CDH8: variants seen among roughly 807,000 people sequenced by gnomAD.
CDH8 encodes cadherin-8.
A neutral mutation model predicts 68.1 loss-of-function variants in CDH8; 17 were observed. The observed-to-expected ratio is 0.25, with a 90% confidence interval of 0.17 to 0.37. The LOEUF (loss-of-function observed/expected upper bound fraction) is 0.37. CDH8 is among the 10% of genes least tolerant of loss of function. The pLI is 1.00. For missense variants in CDH8, 763 were observed against 999.3 expected, an observed-to-expected ratio of 0.76 and a Z score of 3.19; for synonymous variants, 372 against 365.1, an observed-to-expected ratio of 1.02 and a Z score of -0.21.
intron 2 of CDH8, among the ~76,000 whole-genome samples, chr16:61,908,906 T>G (rs529526988): frequency 1.3e-5 from 2 of 152,292 alleles, no homozygotes; most frequent in South Asian, 4.1e-4. Context: ...GAATATGCAA[T>G]GACCCTCATG....
chr16:62,021,819 C>T (rs1325643378), intron 1 of CDH8, among the ~76,000 whole-genome samples: 1 of 152,100 alleles, frequency 6.6e-6, no homozygotes, highest in Non-Finnish European at 1.5e-5. Context: ...GCTATGTGAC[C>T]TATCAGAAAC....
intron 8 of CDH8, among the ~76,000 whole-genome samples, chr16:61,763,753 C>A (rs1163951687): frequency 6.6e-6 from 1 of 151,992 alleles, no homozygotes; most frequent in Non-Finnish European, 1.5e-5. Context: ...GTTTTTAATT[C>A]TTTTGTTGAA....
rs530131371 is a variant in CDH8, at chr16:61,768,398, T to TTCTCTCTCTCTCTCTCTC, written c.1414+20930_1414+20947dup. On this transcript the variant is annotated intron_variant, in intron 8 of 11. Transcript: ENST00000577390. ...TCTCTCTCTCTCTCTCTCTCTCCCT[T>TTCTCTCTCTCTCTCTCTC]TCTCTCTCTCTCTCTCTCTCTCTCT... is the stretch of plus-strand genomic sequence containing the variant. 4.3e-4 allele frequency among the ~76,000 whole-genome samples: 15 copies of TTCTCTCTCTCTCTCTCTC among 35,218 alleles called. 3 individuals are homozygous for TTCTCTCTCTCTCTCTCTC. The highest frequency in any genetic ancestry group is 3.0e-3 in the East Asian group (3 of 1,006). 23.1% of individuals were successfully genotyped at this position (35,218 alleles called of 152,430 possible). A position where few individuals can be genotyped will look rare whatever the true frequency, so the allele number is the denominator to read the frequency against.
intron 8 of CDH8, among the ~76,000 whole-genome samples, chr16:61,775,712 G>A (rs962176283): frequency 2.0e-5 from 3 of 151,970 alleles, no homozygotes; most frequent in East Asian, 1.9e-4. Flanking sequence ...AAAGCACCCC[G>A]GACTAAACGG....
chr16:61,953,210 A>G (rs1964924432), intron 2 of CDH8, among the ~76,000 whole-genome samples: 1 of 152,202 alleles, frequency 6.6e-6, no homozygotes. Flanking sequence ...CTTCCCAGGC[A>G]GCCTGAACTG....
chr16:61,691,493 C>T (rs1041218956), intron 10 of CDH8, among the ~76,000 whole-genome samples: 1 of 151,834 alleles, frequency 6.6e-6, no homozygotes, highest in Non-Finnish European at 1.5e-5. Flanking sequence ...CTCTGTCACC[C>T]AATCTGCTTG....
At chr16:61,737,033 T>G (rs1341169588) in intron 8 of CDH8, among the ~76,000 whole-genome samples, 1 of 152,142 alleles carries the variant, frequency 6.6e-6, no homozygotes, top group Non-Finnish European at 1.5e-5. Flanking sequence ...ATAAACAAGT[T>G]CTTGACTTCT....
intron 4 of CDH8, among the ~76,000 whole-genome samples, chr16:61,833,763 C>G (rs2143005322): frequency 6.6e-6 from 1 of 152,036 alleles, no homozygotes; most frequent in South Asian, 2.1e-4. Flanking sequence ...CACACTTACT[C>G]TTTACTGGAT....
intron 3 of CDH8, among the ~76,000 whole-genome samples, chr16:61,866,515 C>T (rs1357271513): frequency 4.0e-5 from 6 of 151,886 alleles, no homozygotes; most frequent in Non-Finnish European, 8.8e-5. Context: ...ATAGTGTATA[C>T]ACTATATACA....
At chr16:61,902,059 C>A (rs1233266335) in intron 2 of CDH8, among the ~76,000 whole-genome samples, 1 of 151,622 alleles carries the variant, frequency 6.6e-6, no homozygotes, top group Non-Finnish European at 1.5e-5. Context: ...AATATATTGA[C>A]TGATATTAAG....
At chr16:61,782,332 G>C (rs1020005473) in intron 8 of CDH8, among the ~76,000 whole-genome samples, 2 of 152,104 alleles carry the variant, frequency 1.3e-5, no homozygotes, top group Non-Finnish European at 2.9e-5. Flanking sequence ...GGTGACGGAC[G>C]CACCTGGAAA....
chr16:61,721,823 T>G (rs1959220771), intron 9 of CDH8, among the ~76,000 whole-genome samples: 1 of 150,820 alleles, frequency 6.6e-6, no homozygotes, highest in Non-Finnish European at 1.5e-5. Context: ...AAATTCATTT[T>G]TGCCACTTTT....
chr16:61,703,758 T>G (rs1964478788), intron 10 of CDH8, among the ~76,000 whole-genome samples: 1 of 152,054 alleles, frequency 6.6e-6, no homozygotes, highest in South Asian at 2.1e-4. Flanking sequence ...GAGAATGGCG[T>G]GAACCCGGGA....
At chr16:61,960,970 T>C (rs1292774367) in intron 2 of CDH8, among the ~76,000 whole-genome samples, 2 of 152,046 alleles carry the variant, frequency 1.3e-5, no homozygotes, top group Non-Finnish European at 2.9e-5. Flanking sequence ...TCTCCTCCTG[T>C]CTCCCTACAG....
At position 61,821,000 on chromosome 16, in the gene CDH8, C is replaced by T. The variant is rs762249948; in HGVS notation, c.949G>A (p.Asp317Asn). The T allele has an allele frequency of 6.8e-6, 11 of 1,612,874 alleles. No individual in the cohort carries two copies. Among genetic ancestry groups the T allele is most frequent in the East Asian group, 4.5e-5 (2 of 44,818 alleles). The change falls in exon 6 of 12, where the codon GAT (aspartate) becomes AAT (asparagine). Residue 317 changes from aspartate (D) to asparagine (N), a missense_variant. Transcript: ENST00000577390. ...ENAQSSYDII[D>N]GDGTALFEIT... ...TCAAAAAGTGCTGTTCCATCTCCATCGATGATATCATATGATGACTGTGCA... is the reference window on the plus strand; with the variant it reads ...TCAAAAAGTGCTGTTCCATCTCCATTGATGATATCATATGATGACTGTGCA...
chr16:61,861,289 C>A (rs185407144), intron 3 of CDH8, among the ~76,000 whole-genome samples: 1 of 152,172 alleles, frequency 6.6e-6, no homozygotes, highest in African/African-American at 2.4e-5. Flanking sequence ...CCTAGAGACA[C>A]TAATTTCTAT....
chr16:61,914,757 AAG>A (rs1491082192), intron 2 of CDH8, among the ~76,000 whole-genome samples: 2 of 151,866 alleles, frequency 1.3e-5, no homozygotes, highest in Non-Finnish European at 2.9e-5. Flanking sequence ...AAAAAAAAAA[AAG>A]AATGATGCCA....
At position 61,781,695 on chromosome 16, in the gene CDH8, AT is replaced by A. The variant is rs766304062; in HGVS notation, c.1414+7650del. ...GACTATCCACATTAAAGAAGACTGG[AT>A]TTTTTTGAGCTTTTTATAAAGCCTT... On this transcript the variant is annotated intron_variant, in intron 8 of 11. Coordinates refer to ENST00000577390, the MANE Select transcript of CDH8 (RefSeq NM_001796.5). 3.3e-5 allele frequency among the ~76,000 whole-genome samples: 5 copies of A among 152,276 alleles called. 1 individual carries two copies. In the South Asian group the frequency reaches 1.0e-3, roughly 32 times the overall value.
chr16:61,697,068 C>A (rs1190329748), intron 10 of CDH8, among the ~76,000 whole-genome samples: 2 of 152,054 alleles, frequency 1.3e-5, no homozygotes, highest in South Asian at 2.1e-4. Context: ...AAAACACCTG[C>A]CCACGAATCC....
Sources: gnomAD v4.1 joint callset for allele counts (sites outside exome capture counted in the v4.1 genomes callset) on GRCh38, gnomAD v4.1.1 for gene constraint, MANE v1.5 for transcripts, NCBI Gene and HGNC (gene_info 2026-07-23, HGNC 2026-07-21) for gene names.